The following CRYBG1 variants were observed in gnomAD, a reference collection of about 807,000 sequenced individuals.
CRYBG1 encodes the protein crystallin beta-gamma domain containing 1.
A neutral mutation model predicts 189.2 loss-of-function variants in CRYBG1; 139 were observed. That is an observed-to-expected ratio of 0.73 (90% CI 0.64 to 0.85). The LOEUF (loss-of-function observed/expected upper bound fraction) is 0.85. Ranked by LOEUF, CRYBG1 falls within the 40% of genes least tolerant of loss-of-function variation. The pLI is 0.00. For synonymous variants in CRYBG1, 1,023 were observed against 1,017.1 expected, an observed-to-expected ratio of 1.01 and a Z score of -0.11; for missense variants, 2,611 against 2,675.8, an observed-to-expected ratio of 0.98 and a Z score of 0.53.
chr6:106,568,132 C>T (rs1774946751), intron 21 of CRYBG1, among the ~76,000 whole-genome samples: 1 of 147,670 alleles, frequency 6.8e-6, no homozygotes, highest in Non-Finnish European at 1.5e-5. Flanking sequence ...CTTTTCCCTT[C>T]TCTCGGGTTT....
At chr6:106,524,592 A>G (rs756791256) in intron 4 of CRYBG1, among the ~76,000 whole-genome samples, 7 of 152,184 alleles carry the variant, frequency 4.6e-5, no homozygotes, top group African/African-American at 1.7e-4. Context: ...TAAATATACT[A>G]TGTGCAATGT....
At chr6:106,416,201 T>C (rs976507337) in intron 1 of CRYBG1, among the ~76,000 whole-genome samples, 37 of 152,160 alleles carry the variant, frequency 2.4e-4, no homozygotes, top group Non-Finnish European at 2.8e-4. Flanking sequence ...GGCCAAACTC[T>C]CTCAATACCA....
chr6:106,408,184 A>C (rs1042510100), intron 1 of CRYBG1, among the ~76,000 whole-genome samples: 1 of 152,226 alleles, frequency 6.6e-6, no homozygotes, highest in Admixed American at 6.5e-5. Context: ...AAAAATGATG[A>C]AGGGGTATCA....
At chr6:106,447,431 A>T (rs1266176576) in intron 1 of CRYBG1, among the ~76,000 whole-genome samples, 3 of 152,044 alleles carry the variant, frequency 2.0e-5, no homozygotes, top group Non-Finnish European at 4.4e-5. Context: ...AAAATAACTA[A>T]AAGAATATAA....
intron 2 of CRYBG1, among the ~76,000 whole-genome samples, chr6:106,475,519 T>C (rs1772317585): frequency 1.3e-5 from 2 of 152,084 alleles, no homozygotes; most frequent in Non-Finnish European, 2.9e-5. Flanking sequence ...GGAAAAGTCA[T>C]GTGGGCAAAG....
intron 1 of CRYBG1, among the ~76,000 whole-genome samples, chr6:106,403,388 G>A (rs1280197103): frequency 6.6e-6 from 1 of 152,302 alleles, no homozygotes; most frequent in African/African-American, 2.4e-5. Flanking sequence ...AGAGCAAGGG[G>A]CTGCGTGGAA....
Position 106,521,062 on chromosome 6 carries a change from A to C in CRYBG1, c.3854A>C (p.Gln1285Pro). The C allele has an allele frequency of 1.2e-6, 2 of 1,614,184 alleles. No individual in the cohort carries two copies. The highest frequency in any genetic ancestry group is 3.3e-4 in the Middle Eastern group (2 of 6,062). ...NGSLSQSSVS[Q>P]PTTEGAPPCG... ...TCCCTATCTCAGTCTTCAGTGTCAC[A>C]GCCCACGACTGAGGGTGCCCCGCCC... The change falls in exon 4 of 22, where the codon CAG (glutamine) becomes CCG (proline). Residue 1285 changes from glutamine to proline, a missense_variant. Physicochemically the swap from Gln to Pro is moderately conservative, Grantham distance 76. Transcript: ENST00000633556.
chr6:106,468,999 C>T (rs977822349), intron 2 of CRYBG1, among the ~76,000 whole-genome samples: 15 of 152,240 alleles, frequency 9.9e-5, no homozygotes, highest in Non-Finnish European at 2.1e-4. Flanking sequence ...AGTGCTTTCA[C>T]ACACTTGGAA....
At position 106,558,621 on chromosome 6, in the gene CRYBG1, G is replaced by A. The variant is rs1173004196; in HGVS notation, c.5851G>A (p.Gly1951Ser). The A allele has an allele frequency of 1.9e-6, 3 of 1,594,770 alleles. No homozygotes were observed. Among genetic ancestry groups the A allele is most frequent in the South Asian group, 1.1e-5 (1 of 86,958 alleles). ...AATACGCTCTGTTCAGGTTATTGGT[G>A]GCATGTGAGTTACCTACTTGTTGAC... Reference protein sequence around the residue: ...TQIRSVQVIGGIWVTYEYGSY... With the variant: ...TQIRSVQVIGSIWVTYEYGSY... Residue 1951 changes from glycine (G) to serine (S), a missense_variant, in exon 18 of 22, where the codon GGC becomes AGC. Transcript: ENST00000633556.
In CRYBG1 at chr6:106,396,648, G is replaced by C. The variant is rs1023811559; in HGVS notation, c.173+35567G>C. Among the ~76,000 whole-genome samples, 10 of 152,300 alleles carry C rather than the reference G, an allele frequency of 6.6e-5. No individual in the cohort carries two copies. In the South Asian group the frequency reaches 2.1e-3, roughly 32 times the overall value. ...CAGACTGTGGACTTTCTGAGGACCT[G>C]TTCTACCAGAAAAACAAGACCTCAG... On this transcript the variant is annotated intron_variant, in intron 1 of 21. Transcript: ENST00000633556.
intron 1 of CRYBG1, among the ~76,000 whole-genome samples, chr6:106,429,469 A>G (rs564214419): frequency 6.6e-6 from 1 of 152,340 alleles, no homozygotes; most frequent in African/African-American, 2.4e-5. Context: ...TTTAAATGCA[A>G]AAGGATGCCA....
chr6:106,539,070 A>G (rs1029679878), intron 8 of CRYBG1, among the ~76,000 whole-genome samples: 2 of 152,202 alleles, frequency 1.3e-5, no homozygotes, highest in East Asian at 3.8e-4. Flanking sequence ...TCTCAGTGGC[A>G]TTCCTTGTAA....
At position 106,569,943 on chromosome 6, in the gene CRYBG1, T is replaced by C. The variant is rs956866856; in HGVS notation, c.*1377T>C. 7 of 152,178 alleles carry C rather than the reference T, an allele frequency of 4.6e-5. No individual in the cohort carries two copies. Among genetic ancestry groups the C allele is most frequent in the Non-Finnish European group, 1.0e-4 (7 of 68,028 alleles). 9.4% of individuals were successfully genotyped at this position (152,178 alleles called of 1,614,324 possible). Reference sequence around the variant, plus strand: ...AGGGATGTTGCTGGTCAAGTCTTGATTTGACCGGAGTCAAATCAATCTTCA... The same window carrying C: ...AGGGATGTTGCTGGTCAAGTCTTGACTTGACCGGAGTCAAATCAATCTTCA... On this transcript the variant is annotated 3_prime_UTR_variant, in exon 22 of 22. Coordinates refer to ENST00000633556, the MANE Select transcript of CRYBG1 (RefSeq NM_001371242.2).
chr6:106,512,986 G>T lies in CRYBG1; in HGVS notation c.1869G>T (p.Lys623Asn). 1 of 1,610,626 alleles carries T rather than the reference G, an allele frequency of 6.2e-7. No homozygotes were observed. The highest frequency in any genetic ancestry group is 8.5e-7 in the Non-Finnish European group (1 of 1,179,692). ...GAGCTTCTGACGCCGACGGCTTGAA[G>T]CCCAGGAACCATTTCGGCGTGGGCA... The part of the protein sequence containing the change: ...APGASDADGL[K>N]PRNHFGVGRS... Residue 623 changes from lysine (K) to asparagine (N), a missense_variant, in exon 3 of 22, where the codon AAG (lysine) becomes AAT (asparagine). Around this residue, in one of 3 missense-constraint regions of CRYBG1, gnomAD observed 985 missense variants for 924.4 expected, o/e 1.07. Coordinates refer to ENST00000633556, the MANE Select transcript of CRYBG1 (RefSeq NM_001371242.2).
At chr6:106,454,057 G>C (rs892046785) in intron 2 of CRYBG1, among the ~76,000 whole-genome samples, 1 of 152,184 alleles carries the variant, frequency 6.6e-6, no homozygotes, top group Non-Finnish European at 1.5e-5. Context: ...CTCCACCTCA[G>C]AGAGGCTCAA....
chr6:106,364,502 C>G (rs1771943833), intron 1 of CRYBG1, among the ~76,000 whole-genome samples: 2 of 152,066 alleles, frequency 1.3e-5, no homozygotes, highest in Admixed American at 6.5e-5. Flanking sequence ...CCAAAATTTA[C>G]TCTTAAAGTT....
Position 106,521,711 on chromosome 6 carries a change from C to CTTTTTTTTTTTTTT in CRYBG1, c.4245+270_4245+283dup, listed in dbSNP as rs397976859. 1.8e-4 allele frequency among the ~76,000 whole-genome samples: 13 copies of CTTTTTTTTTTTTTT among 72,186 alleles called. 2 individuals carry two copies. Among genetic ancestry groups the CTTTTTTTTTTTTTT allele is most frequent in the African/African-American group, 7.0e-4 (12 of 17,142 alleles). The allele number at this position is 72,186 out of a possible 152,430, so 47.4% of individuals were successfully genotyped here. On this transcript the variant is annotated intron_variant, in intron 4 of 21. Transcript: ENST00000633556. Reference sequence around the variant, plus strand: ...CTACAAATGCTCTAAGGCACATGATCTTTTTTTTTTTTTTTTTTTTTTTTT... The same window carrying CTTTTTTTTTTTTTT: ...CTACAAATGCTCTAAGGCACATGATCTTTTTTTTTTTTTTTTTTTTTTTTTTTTTTTTTTTTTTT...
chr6:106,571,835 T>A lies in CRYBG1; in HGVS notation c.*3269T>A, dbSNP rs931414649. 1.8e-6 allele frequency: 1 copy of A among 565,348 alleles called. No individual in the cohort carries two copies. The highest frequency in any genetic ancestry group is 3.1e-6 in the Non-Finnish European group (1 of 318,054). 35.0% of individuals were successfully genotyped at this position (565,348 alleles called of 1,614,324 possible). ...AAATCCAAGTGCTGATATTTTTATA[T>A]CAATTACTGGCCAAAATGGTGTGTT... On this transcript the variant is annotated 3_prime_UTR_variant, in exon 22 of 22. Coordinates refer to ENST00000633556, the MANE Select transcript of CRYBG1 (RefSeq NM_001371242.2).
intron 1 of CRYBG1, among the ~76,000 whole-genome samples, chr6:106,429,883 C>G (rs116543641): frequency 0.012 from 1,836 of 152,294 alleles, 43 homozygotes; most frequent in African/African-American, 0.042. Flanking sequence ...TACTATTAAA[C>G]TAAAATTGTC....
Sources: gnomAD v4.1 joint callset for allele counts (sites outside exome capture counted in the v4.1 genomes callset) on GRCh38, gnomAD v4.1.1 for gene constraint, gnomAD v4.1.1 regional missense constraint, MANE v1.5 for transcripts, NCBI Gene and HGNC (gene_info 2026-07-23, HGNC 2026-07-21) for gene names.